MTM1: variants seen among roughly 807,000 people sequenced by gnomAD.
MTM1 encodes myotubularin 1.
MTM1 carries 9 observed loss-of-function variants against 52.1 expected under a neutral mutation model. The observed-to-expected ratio is 0.17, with a 90% CI of 0.10 to 0.30. The LOEUF (loss-of-function observed/expected upper bound fraction) is 0.30, where lower values mean the gene tolerates loss of function less well. MTM1 is among the 10% of genes least tolerant of loss of function. The pLI is 1.00. For missense variants in MTM1, 277 were observed against 470.7 expected, an observed-to-expected ratio of 0.59 and a Z score of 3.81; for synonymous variants, 136 against 163.8, an observed-to-expected ratio of 0.83 and a Z score of 1.29.
At chrX:150,669,629 G>A (rs1569565548) in intron 14 of MTM1, among the ~76,000 whole-genome samples, 1 of 112,456 alleles carries the variant, frequency 8.9e-6, no homozygotes, top group East Asian at 2.8e-4. Flanking sequence ...GTGATGATGA[G>A]CTTTTTTTCA....
intron 4 of MTM1, among the ~76,000 whole-genome samples, chrX:150,612,233 C>T (rs782672898): frequency 1.8e-5 from 2 of 110,716 alleles, no homozygotes; most frequent in South Asian, 3.9e-4. Context: ...CCACGTGATG[C>T]CCTTAAGATT....
At chrX:150,632,922 A>T (rs2039693985) in intron 6 of MTM1, among the ~76,000 whole-genome samples, 1 of 110,900 alleles carries the variant, frequency 9.0e-6, no homozygotes, top group Non-Finnish European at 1.9e-5. Flanking sequence ...TAGGAGACAG[A>T]TGACCACATA....
chrX:150,565,532 G>C (rs888332965), upstream of MTM1, among the ~76,000 whole-genome samples: 1 of 112,097 alleles, frequency 8.9e-6, no homozygotes, highest in Non-Finnish European at 1.9e-5. Context: ...TGAGGCAGGA[G>C]TGGGGACTGG....
chrX:150,613,155 G>A (rs2039319874), intron 4 of MTM1, among the ~76,000 whole-genome samples: 1 of 108,453 alleles, frequency 9.2e-6, no homozygotes, highest in Non-Finnish European at 1.9e-5. Context: ...AAAAAAAGGG[G>A]GGAAAGAAAA....
At chrX:150,639,581 T>A (rs1557413807) in intron 7 of MTM1, among the ~76,000 whole-genome samples, 1 of 112,264 alleles carries the variant, frequency 8.9e-6, no homozygotes, top group Non-Finnish European at 1.9e-5. Flanking sequence ...TTTGCTATAA[T>A]AAAGGCAAGA....
intron 1 of MTM1, among the ~76,000 whole-genome samples, chrX:150,577,900 C>T (rs782124947): frequency 7.1e-5 from 8 of 112,260 alleles, no homozygotes; most frequent in African/African-American, 2.6e-4. Flanking sequence ...TAGTCCTGCT[C>T]TTATGTTTAG....
intron 1 of MTM1, among the ~76,000 whole-genome samples, chrX:150,588,127 G>A (rs1377846324): frequency 8.9e-6 from 1 of 111,927 alleles, no homozygotes; most frequent in African/African-American, 3.3e-5. Flanking sequence ...AATTCTGAAC[G>A]GAGAGGCTGC....
chrX:150,633,636 A>G (rs1198450077), intron 6 of MTM1, among the ~76,000 whole-genome samples: 1 of 108,911 alleles, frequency 9.2e-6, no homozygotes, highest in Non-Finnish European at 1.9e-5. Flanking sequence ...GGTAGATGGA[A>G]GCTTTTTAAA....
chrX:150,608,472 G>A (rs1446716918), intron 4 of MTM1, among the ~76,000 whole-genome samples: 1 of 112,080 alleles, frequency 8.9e-6, no homozygotes, highest in African/African-American at 3.2e-5. Flanking sequence ...GCCTGCCTCC[G>A]CCTCCCAAAG....
intron 1 of MTM1, among the ~76,000 whole-genome samples, chrX:150,591,649 T>G (rs2038887799): frequency 8.8e-6 from 1 of 113,101 alleles, no homozygotes; most frequent in African/African-American, 3.2e-5. Context: ...AACGCTAAGC[T>G]TGTGGGAGTT....
At chrX:150,603,226 C>A (rs949857476) in intron 4 of MTM1, among the ~76,000 whole-genome samples, 1 of 111,702 alleles carries the variant, frequency 9.0e-6, no homozygotes, top group Non-Finnish European at 1.9e-5. Flanking sequence ...GTTGAATGAT[C>A]GGTTGGAGCT....
At chrX:150,604,848 G>A (rs1285346750) in intron 4 of MTM1, among the ~76,000 whole-genome samples, 4 of 110,409 alleles carry the variant, frequency 3.6e-5, no homozygotes, top group African/African-American at 6.6e-5. Context: ...AGGTGTTCAC[G>A]GTCCTCACCA....
rs1215955664 is a variant in MTM1, at chrX:150,641,437, G to A, written c.678+19G>A. 2 of 1,208,400 alleles carry A rather than the reference G, an allele frequency of 1.7e-6. No homozygotes were observed. The highest frequency in any genetic ancestry group is 2.2e-6 in the Non-Finnish European group (2 of 892,813). Reference sequence around the variant, plus strand: ...AATTCCAGTGAGTACTGCAATTAACGTTTCTCTTGAAGAGCACCTTTTAGT... The same window carrying A: ...AATTCCAGTGAGTACTGCAATTAACATTTCTCTTGAAGAGCACCTTTTAGT... On this transcript the variant is annotated intron_variant, in intron 8 of 14. Transcript: ENST00000370396.
At chrX:150,594,757 A>G (rs976394866) in intron 2 of MTM1, among the ~76,000 whole-genome samples, 1 of 112,236 alleles carries the variant, frequency 8.9e-6, no homozygotes, top group Non-Finnish European at 1.9e-5. Context: ...TTTTAATCAG[A>G]CATTCACTTC....
chrX:150,671,777 C>A lies in MTM1; in HGVS notation c.*182C>A. The A allele has an allele frequency of 2.0e-6, 1 of 507,560 alleles. No individual in the cohort carries two copies. The highest frequency in any genetic ancestry group is 3.2e-6 in the Non-Finnish European group (1 of 314,190). 41.8% of individuals were successfully genotyped at this position (507,560 alleles called of 1,213,427 possible). On this transcript the variant is annotated 3_prime_UTR_variant, in exon 15 of 15. Transcript: ENST00000370396. ...TTACAAGAAAACTACAGGGTCCACA[C>A]GGCAATCAGAAGAAAGGAGCTGAGA...
At chrX:150,568,406 G>C (rs1231966944), upstream of MTM1, among the ~76,000 whole-genome samples, 1 of 113,233 alleles carries the variant, frequency 8.8e-6, no homozygotes, top group Non-Finnish European at 1.9e-5. Context: ...TCCATGCGTC[G>C]GACCCTTCAA....
chrX:150,614,624 G>A lies in MTM1; in HGVS notation c.267G>A (p.Val89=). The A allele has an allele frequency of 8.3e-7, 1 of 1,202,963 alleles. No individual in the cohort carries two copies. Among genetic ancestry groups the A allele is most frequent in the Non-Finnish European group, 1.1e-6 (1 of 888,458 alleles). ...TAATACTTGATGTTCCTCTGGGTGT[G>A]ATCTCGAGAATTGAAAAAATGGGAG... ...SSLILDVPLG[V]ISRIEKMGGA... is the part of the protein sequence containing the mutation. The change falls in exon 5 of 15, where the codon GTG becomes GTA. Residue 89 remains valine (V), a synonymous_variant. Transcript: ENST00000370396.
At chrX:150,625,798 C>T (rs1449540426) in intron 6 of MTM1, among the ~76,000 whole-genome samples, 1 of 112,359 alleles carries the variant, frequency 8.9e-6, no homozygotes, top group Non-Finnish European at 1.9e-5. Context: ...TTTTTGTTTT[C>T]GTGTGTGTGG....
intron 11 of MTM1, among the ~76,000 whole-genome samples, chrX:150,659,159 A>G (rs1246644075): frequency 8.9e-6 from 1 of 112,662 alleles, no homozygotes; most frequent in African/African-American, 3.2e-5. Flanking sequence ...AGCCATAGAA[A>G]GAATCATTGT....
Sources: gnomAD v4.1 joint callset for allele counts (sites outside exome capture counted in the v4.1 genomes callset) on GRCh38, gnomAD v4.1.1 for gene constraint, MANE v1.5 for transcripts, NCBI Gene and HGNC (gene_info 2026-07-23, HGNC 2026-07-21) for gene names.